CERS6: variants seen among roughly 807,000 people sequenced by gnomAD.
CERS6 encodes ceramide synthase 6.
A neutral mutation model predicts 56.8 loss-of-function variants in CERS6; 26 were observed. The ratio of observed to expected loss-of-function variants is 0.46; its 90% CI spans 0.34 to 0.63. The LOEUF (loss-of-function observed/expected upper bound fraction) is 0.63. Among genes scored for constraint, CERS6 ranks in the 30% least tolerant of loss-of-function variants. CERS6 has a pLI of 0.01. For synonymous variants in CERS6, 164 were observed against 173.3 expected (o/e 0.95, Z 0.42); for missense variants, 415 against 467.5 (o/e 0.89, Z 1.04).
chr2:168,531,959 G>A (rs1270586023), intron 1 of CERS6, among the ~76,000 whole-genome samples: 1 of 152,162 alleles, frequency 6.6e-6, no homozygotes, highest in Non-Finnish European at 1.5e-5. Context: ...CATTGTGAGA[G>A]GTGCTCAGAC....
intron 8 of CERS6, among the ~76,000 whole-genome samples, chr2:168,728,373 A>G (rs1683412109): frequency 6.6e-6 from 1 of 150,386 alleles, no homozygotes; most frequent in South Asian, 2.1e-4. Flanking sequence ...GGGGAAAAAA[A>G]AAATGCAACT....
intron 8 of CERS6, among the ~76,000 whole-genome samples, chr2:168,762,963 A>G (rs1455001030): frequency 2.0e-5 from 3 of 151,924 alleles, no homozygotes; most frequent in African/African-American, 4.8e-5. Flanking sequence ...GTAACCTGCA[A>G]CTCCTGCTCA....
chr2:168,501,009 A>C (rs2167629), intron 1 of CERS6, among the ~76,000 whole-genome samples: 1 of 152,356 alleles, frequency 6.6e-6, no homozygotes, highest in Admixed American at 6.5e-5. Flanking sequence ...GTATTTCCCC[A>C]TTTACATAAG....
intron 3 of CERS6, among the ~76,000 whole-genome samples, chr2:168,586,213 TAAAAAAA>T (rs57792343): frequency 7.2e-6 from 1 of 139,808 alleles, no homozygotes; most frequent in South Asian, 2.3e-4. Context: ...AAGATACCTT[TAAAAAAA>T]AAAAAAAGGA....
intron 4 of CERS6, among the ~76,000 whole-genome samples, chr2:168,687,116 C>G (rs906236083): frequency 6.6e-6 from 1 of 152,122 alleles, no homozygotes; most frequent in Admixed American, 6.5e-5. Flanking sequence ...GGCACCGTCC[C>G]CAAGTGACAC....
At chr2:168,645,710 G>T (rs535124640) in intron 4 of CERS6, among the ~76,000 whole-genome samples, 2 of 151,992 alleles carry the variant, frequency 1.3e-5, no homozygotes, top group East Asian at 3.9e-4. Context: ...CGTCAGGGAG[G>T]CCCCACTGTC....
intron 7 of CERS6, among the ~76,000 whole-genome samples, chr2:168,715,440 T>C (rs962457739): frequency 6.6e-6 from 1 of 152,198 alleles, no homozygotes; most frequent in African/African-American, 2.4e-5. Flanking sequence ...GTTGTAACTT[T>C]TACCCTGATT....
chr2:168,772,701 A>C lies in CERS6; in HGVS notation c.*3039A>C, dbSNP rs374177829. On this transcript the variant is annotated 3_prime_UTR_variant, in exon 10 of 10. Coordinates refer to ENST00000305747, the MANE Select transcript of CERS6 (RefSeq NM_203463.3). Reference sequence around the variant, plus strand: ...TCCAAATTTGGTCCTATGGATGTTGAGCATAGGGAAGCAACTCTCAGTATT... The same window carrying C: ...TCCAAATTTGGTCCTATGGATGTTGCGCATAGGGAAGCAACTCTCAGTATT... 4.6e-5 allele frequency: 7 copies of C among 152,738 alleles called. No homozygotes were observed. The East Asian group carries it at 9.6e-4, about 21-fold the overall frequency. The allele number at this position is 152,738 out of a possible 1,614,324, so 9.5% of individuals were successfully genotyped here.
chr2:168,529,061 C>T (rs1695120741), intron 1 of CERS6, among the ~76,000 whole-genome samples: 1 of 152,244 alleles, frequency 6.6e-6, no homozygotes, highest in Non-Finnish European at 1.5e-5. Flanking sequence ...ATGAGGGCCA[C>T]TCTGTCATGG....
chr2:168,494,454 A>C (rs1019404484), intron 1 of CERS6, among the ~76,000 whole-genome samples: 1 of 152,204 alleles, frequency 6.6e-6, no homozygotes, highest in South Asian at 2.1e-4. Context: ...TTGGGTTATG[A>C]TGAGGATCAA....
At chr2:168,538,433 C>T (rs1695305480) in intron 1 of CERS6, among the ~76,000 whole-genome samples, 1 of 152,164 alleles carries the variant, frequency 6.6e-6, no homozygotes, top group East Asian at 1.9e-4. Flanking sequence ...CTGTTCCTTC[C>T]AGAATGTCCT....
intron 3 of CERS6, among the ~76,000 whole-genome samples, chr2:168,626,952 C>T (rs1390448613): frequency 6.6e-6 from 1 of 152,136 alleles, no homozygotes; most frequent in South Asian, 2.1e-4. Context: ...AGTTTTGTGT[C>T]CCTGGGAGTT....
At chr2:168,561,100 A>G (rs570390667) in intron 2 of CERS6, 92 bp from the exon 3 acceptor site, 22 of 1,408,184 alleles carry the variant, frequency 1.6e-5, no homozygotes, top group East Asian at 6.9e-5. Context: ...AATAGGGGGA[A>G]AAAAACCTCT....
rs139807337 is a variant in CERS6 at position 168,524,453 on chromosome 2, C to T, written c.171-23143C>T. 1.4e-4 allele frequency among the ~76,000 whole-genome samples: 22 copies of T among 152,294 alleles called. No homozygotes were observed. The East Asian group carries it at 4.2e-3, about 29-fold the overall frequency. On this transcript the variant is annotated intron_variant, in intron 1 of 9. Transcript: ENST00000305747. ...TTCTCTGAAGTCTCTATCCAGATAGCTCAGTGCTGCTCCATGCTGGGTCAA... is the reference window on the plus strand; with the variant it reads ...TTCTCTGAAGTCTCTATCCAGATAGTTCAGTGCTGCTCCATGCTGGGTCAA...
At chr2:168,679,709 T>C (rs1047126085) in intron 4 of CERS6, among the ~76,000 whole-genome samples, 2 of 152,222 alleles carry the variant, frequency 1.3e-5, no homozygotes. Context: ...GCCAACGCTG[T>C]CAATTCTCTT....
chr2:168,644,053 C>A (rs1191048570), intron 4 of CERS6: 13 of 980,130 alleles, frequency 1.3e-5, no homozygotes, highest in Non-Finnish European at 1.6e-5. Flanking sequence ...GCATAAAAAT[C>A]TTTCTGTGGA....
At chr2:168,575,662 C>T (rs1415280015) in intron 3 of CERS6, among the ~76,000 whole-genome samples, 2 of 152,032 alleles carry the variant, frequency 1.3e-5, no homozygotes, top group Admixed American at 6.6e-5. Context: ...ACTGTGATTG[C>T]CTCTGAAGCA....
intron 8 of CERS6, among the ~76,000 whole-genome samples, chr2:168,762,079 G>A (rs563395325): frequency 1.3e-5 from 2 of 152,068 alleles, no homozygotes; most frequent in East Asian, 1.9e-4. Context: ...CCTGGATGAC[G>A]GGTGAATGAG....
chr2:168,667,817 A>G (rs1685802645), intron 4 of CERS6, among the ~76,000 whole-genome samples: 1 of 152,258 alleles, frequency 6.6e-6, no homozygotes, highest in Non-Finnish European at 1.5e-5. Context: ...TCTGTCTAGT[A>G]TGGGAGGCAG....
Sources: gnomAD v4.1 joint callset for allele counts (sites outside exome capture counted in the v4.1 genomes callset) on GRCh38, gnomAD v4.1.1 for gene constraint, MANE v1.5 for transcripts, NCBI Gene and HGNC (gene_info 2026-07-23, HGNC 2026-07-21) for gene names.